The following ACAD10 variants were observed in gnomAD, a reference collection of about 807,000 sequenced individuals.
ACAD10 encodes the protein ACAD-10.
Under a neutral mutation model 116.8 loss-of-function variants are expected in ACAD10, and 112 were observed. That is an observed-to-expected ratio of 0.96 (90% CI 0.82 to 1.12). The LOEUF (loss-of-function observed/expected upper bound fraction) is 1.12. Among genes scored for constraint, ACAD10 ranks in the 50% most tolerant of loss-of-function variants. The pLI is 0.00. For missense variants in ACAD10, 1,259 were observed against 1,350.2 expected (o/e 0.93, Z 1.06); for synonymous variants, 486 against 510.6 (o/e 0.95, Z 0.65).
intron 1 of ACAD10, among the ~76,000 whole-genome samples, chr12:111,686,758 A>G (rs1887871954): frequency 6.6e-6 from 1 of 152,188 alleles, no homozygotes; most frequent in Non-Finnish European, 1.5e-5. Flanking sequence ...GGTTACGAGC[A>G]TAGTGCTGCA....
At chr12:111,699,399 G>A (rs779146754) in intron 2 of ACAD10, among the ~76,000 whole-genome samples, 2 of 151,966 alleles carry the variant, frequency 1.3e-5, no homozygotes, top group African/African-American at 4.8e-5. Context: ...CCCTTTCCCA[G>A]TTGGTTCCAG....
intron 8 of ACAD10, among the ~76,000 whole-genome samples, chr12:111,725,860 C>T (rs1172784421): frequency 4.6e-5 from 7 of 152,100 alleles, no homozygotes; most frequent in Admixed American, 4.6e-4. Context: ...ACCACAACAC[C>T]AGTATACCTA....
chr12:111,745,395 T>A (rs1426916310), intron 13 of ACAD10: 1 of 338,094 alleles, frequency 3.0e-6, no homozygotes, highest in African/African-American at 2.1e-5. Flanking sequence ...AGAGAACCCG[T>A]AATATCACAG....
intron 20 of ACAD10, 88 bp downstream of exon 20, chr12:111,755,833 AC>A: frequency 2.3e-6 from 3 of 1,299,236 alleles, no homozygotes; most frequent in Non-Finnish European, 3.3e-6. Context: ...CCTCCCATAG[AC>A]CCTGGCAGAT....
chr12:111,691,526 A>G (rs1305721871), intron 1 of ACAD10, among the ~76,000 whole-genome samples: 3 of 151,988 alleles, frequency 2.0e-5, no homozygotes, highest in East Asian at 3.9e-4. Context: ...AACTGCATGT[A>G]GATGTGTATG....
In ACAD10 at chr12:111,756,419, T is replaced by A; in HGVS notation, c.3126T>A (p.Pro1042=). The A allele has an allele frequency of 6.2e-7, 1 of 1,612,722 alleles. No individual in the cohort carries two copies. The highest frequency in any genetic ancestry group is 2.2e-5 in the East Asian group (1 of 44,862). ...GAGCCCTGCGCTTTGCCGACGGCCC[T>A]GACGAGGTGCACCGGGCCACGGTGG... is the stretch of plus-strand genomic sequence containing the variant. The part of the protein sequence containing the change: ...WARALRFADG[P]DEVHRATVAK... The change falls in exon 21 of 21, where the codon CCT becomes CCA. Residue 1042 remains proline, a synonymous_variant. Transcript: ENST00000313698.
At chr12:111,737,355 T>G (rs111255217) in intron 12 of ACAD10, among the ~76,000 whole-genome samples, 11 of 152,168 alleles carry the variant, frequency 7.2e-5, no homozygotes, top group African/African-American at 2.6e-4. Context: ...GCTAATTTTT[T>G]TTTGTATTTT....
intron 2 of ACAD10, 98 bp from the exon 3 acceptor site, chr12:111,702,064 C>A: frequency 7.7e-7 from 1 of 1,299,990 alleles, no homozygotes; most frequent in Non-Finnish European, 1.1e-6. Context: ...CCTGGCAGTA[C>A]AGCGAGTCCG....
At chr12:111,731,089 C>G (rs1237251247) in intron 10 of ACAD10, among the ~76,000 whole-genome samples, 1 of 152,238 alleles carries the variant, frequency 6.6e-6, no homozygotes, top group African/African-American at 2.4e-5. Context: ...CCATGCCCAG[C>G]CTTAAAGACA....
At chr12:111,738,302 C>T (rs566930830) in intron 12 of ACAD10, among the ~76,000 whole-genome samples, 15 of 151,764 alleles carry the variant, frequency 9.9e-5, no homozygotes, top group African/African-American at 3.6e-4. Context: ...AAAAATTAGC[C>T]AGGCATGGTG....
At chr12:111,718,847 G>A (rs929993838) in intron 7 of ACAD10, among the ~76,000 whole-genome samples, 1 of 151,590 alleles carries the variant, frequency 6.6e-6, no homozygotes, top group Admixed American at 6.6e-5. Flanking sequence ...GCTCCCACTT[G>A]TAATCCCAGC....
At chr12:111,735,407 A>G (rs924361077) in intron 11 of ACAD10, among the ~76,000 whole-genome samples, 3 of 152,164 alleles carry the variant, frequency 2.0e-5, no homozygotes, top group African/African-American at 7.2e-5. Context: ...GGAATGGAAT[A>G]TATTACATGC....
chr12:111,711,271 G>T (rs1169192686), intron 5 of ACAD10, among the ~76,000 whole-genome samples: 1 of 152,120 alleles, frequency 6.6e-6, no homozygotes, highest in Admixed American at 6.6e-5. Flanking sequence ...TGCAGTCTTG[G>T]CTCACTGCAA....
At chr12:111,721,277 G>C (rs1417492015) in intron 7 of ACAD10, among the ~76,000 whole-genome samples, 1 of 151,502 alleles carries the variant, frequency 6.6e-6, no homozygotes, top group Admixed American at 6.6e-5. Flanking sequence ...ATTCAGAAAA[G>C]TAATTTCAGG....
intron 2 of ACAD10, among the ~76,000 whole-genome samples, chr12:111,696,958 G>C (rs1048074456): frequency 6.6e-6 from 1 of 152,108 alleles, no homozygotes; most frequent in African/African-American, 2.4e-5. Flanking sequence ...GCAGGTGCCT[G>C]TGGTCCCAGC....
At chr12:111,728,474 C>G (rs1566157917) in intron 9 of ACAD10, among the ~76,000 whole-genome samples, 2 of 151,748 alleles carry the variant, frequency 1.3e-5, no homozygotes. Context: ...TGATACTGAC[C>G]ATAGGTATTT....
chr12:111,728,647 C>G (rs568987272), intron 9 of ACAD10, among the ~76,000 whole-genome samples: 1 of 152,128 alleles, frequency 6.6e-6, no homozygotes, highest in East Asian at 1.9e-4. Context: ...AGTTGGGACT[C>G]TGGGCATGTG....
Position 111,711,804 on chromosome 12 carries a change from G to A in ACAD10, c.691-694G>A, listed in dbSNP as rs146317800. ...TGGGATTACAGGCGTGAGCCACCGCGCCCAGCTATGCTAACATTTTTAAAT... is the reference window on the plus strand; with the variant it reads ...TGGGATTACAGGCGTGAGCCACCGCACCCAGCTATGCTAACATTTTTAAAT... On this transcript the variant is annotated intron_variant, in intron 5 of 20. Transcript: ENST00000313698. 8.1e-3 allele frequency among the ~76,000 whole-genome samples: 1,238 copies of A among 152,200 alleles called. 20 individuals are homozygous for A. Among genetic ancestry groups the A allele is most frequent in the African/African-American group, 0.027 (1,126 of 41,544 alleles).
chr12:111,723,279 G>A (rs1397280889), intron 8 of ACAD10, among the ~76,000 whole-genome samples: 47 of 129,510 alleles, frequency 3.6e-4, no homozygotes, highest in Admixed American at 6.6e-4. Context: ...GGGCAGAGGC[G>A]CCCCTCACCT....
Sources: gnomAD v4.1 joint callset for allele counts (sites outside exome capture counted in the v4.1 genomes callset) on GRCh38, gnomAD v4.1.1 for gene constraint, MANE v1.5 for transcripts, NCBI Gene and HGNC (gene_info 2026-07-23, HGNC 2026-07-21) for gene names.